The following ZNF28 variants were observed in gnomAD, a reference collection of about 807,000 sequenced individuals.
ZNF28 encodes the protein zinc finger protein KOX24.
ZNF28 carries 5 observed loss-of-function variants against 7.2 expected under a neutral mutation model. That is an observed-to-expected ratio of 0.70 (90% CI 0.36 to 1.46). The LOEUF is 1.46. ZNF28 is among the 40% of genes most tolerant of loss of function. The pLI is 0.03. For missense variants in ZNF28, 879 were observed against 866.6 expected (o/e 1.01, Z -0.18); for synonymous variants, 288 against 292.4 (o/e 0.99, Z 0.15).
intron 2 of ZNF28, chr19:52,814,408 T>C (rs112164150): frequency 0.068 from 9,836 of 145,616 alleles, 1,488 homozygotes; most frequent in African/African-American, 0.15. Flanking sequence ...ATGGCCAAAA[T>C]GGTGAAACAC....
Position 52,800,824 on chromosome 19 carries a change from A to G in ZNF28, c.1021T>C (p.Tyr341His), listed in dbSNP as rs2062857576. 2.5e-6 allele frequency: 4 copies of G among 1,614,096 alleles called. No individual in the cohort carries two copies. In the Middle Eastern group the frequency reaches 5.0e-4, roughly 200 times the overall value. Residue 341 changes from tyrosine to histidine, a missense_variant, in exon 4 of 4, where the codon TAC (tyrosine) becomes CAC (histidine). Coordinates refer to ENST00000457749, the MANE Select transcript of ZNF28 (RefSeq NM_006969.5). ...TGAATTATAGTATGTTTTGCTAGGT[A>G]TGAATTACATGTGAAAGCTTTGTCA... ...VCDKAFTCNS[Y>H]LAKHTIIHTG... is the part of the protein sequence containing the mutation.
intron 2 of ZNF28, among the ~76,000 whole-genome samples, chr19:52,813,324 GT>G (rs1019709014): frequency 2.7e-5 from 4 of 148,958 alleles, no homozygotes; most frequent in African/African-American, 9.8e-5. Context: ...GGAGGGACCT[GT>G]TTTGGGGAGC....
chr19:52,812,180 G>A (rs1390205245), intron 2 of ZNF28, among the ~76,000 whole-genome samples: 1 of 125,470 alleles, frequency 8.0e-6, no homozygotes, highest in Non-Finnish European at 1.6e-5. Flanking sequence ...CGCCCCATCT[G>A]GGAGGTGAGG....
rs1171790099 is a variant in ZNF28 at position 52,801,586 on chromosome 19, AG to A, written c.258del (p.Phe87SerfsTer27). On this transcript the variant is annotated frameshift_variant, in exon 4 of 4. Coordinates refer to ENST00000457749, the MANE Select transcript of ZNF28 (RefSeq NM_006969.5). LOFTEE classifies it low-confidence loss of function (END_TRUNC). ...TGAATGTCTTTCTCAATTTTCTGGA[AG>A]CAAAAATCTCCAATGTGATGACTTG... The part of the protein sequence containing the change: ...RQASHHIGDF[C>X]FQKIEKDIHG... 7 of 1,614,060 alleles carry A rather than the reference AG, an allele frequency of 4.3e-6. No individual in the cohort carries two copies. Among genetic ancestry groups the A allele is most frequent in the Non-Finnish European group, 5.9e-6 (7 of 1,180,034 alleles).
intron 2 of ZNF28, among the ~76,000 whole-genome samples, chr19:52,810,922 G>C (rs1398844113): frequency 3.2e-5 from 3 of 93,234 alleles, no homozygotes; most frequent in Admixed American, 1.5e-4. Context: ...TCCCTCCACA[G>C]TCTCCCTCTG....
chr19:52,807,925 CAAGT>C (rs1437534282), intron 3 of ZNF28, 78 bp downstream of exon 3: 17 of 1,592,566 alleles, frequency 1.1e-5, no homozygotes, highest in Non-Finnish European at 1.3e-5. Flanking sequence ...CCATTTTAGT[CAAGT>C]AAGGATGTGG....
rs1281450275 is a variant in ZNF28, at chr19:52,815,042, T to G, written c.15+2902A>C. On this transcript the variant is annotated intron_variant, in intron 2 of 3. Transcript: ENST00000457749. ...TTTCCCCAGACTTTCAAAGTATACA[T>G]GTGTGTATATATGTATGTATATGTA... Among the ~76,000 whole-genome samples the G allele has an allele frequency of 3.5e-5, 5 of 143,948 alleles. No individual in the cohort carries two copies. The East Asian group carries it at 8.0e-4, about 23-fold the overall frequency. 94.4% of individuals were successfully genotyped at this position (143,948 alleles called of 152,430 possible).
chr19:52,806,472 G>C (rs1226327976), intron 3 of ZNF28, among the ~76,000 whole-genome samples: 3 of 151,950 alleles, frequency 2.0e-5, no homozygotes. Flanking sequence ...GGGATTACAG[G>C]TGTCAGCCAC....
In ZNF28 at chr19:52,798,608, T is replaced by G; in HGVS notation, c.*1080A>C. The G allele has an allele frequency of 2.2e-6, 1 of 447,172 alleles. No homozygotes were observed. 27.7% of individuals were successfully genotyped at this position (447,172 alleles called of 1,614,324 possible). On this transcript the variant is annotated 3_prime_UTR_variant, in exon 4 of 4. Coordinates refer to ENST00000457749, the MANE Select transcript of ZNF28 (RefSeq NM_006969.5). ...TGCCACAATCATCACACTTGTGAGT[T>G]TCTCTCCTGTATGAATCCTCCTATG...
At chr19:52,817,820 C>G in intron 2 of ZNF28, 124 bp downstream of exon 2, 2 of 1,557,738 alleles carry the variant, frequency 1.3e-6, no homozygotes, top group Non-Finnish European at 1.8e-6. Context: ...TGAAGGAAGG[C>G]ATGGGTGAGG....
At chr19:52,811,626 G>A (rs528149239) in intron 2 of ZNF28, among the ~76,000 whole-genome samples, 2,725 of 121,898 alleles carry the variant, frequency 0.022, 99 homozygotes, top group African/African-American at 0.093. Context: ...CGGCCGCCCC[G>A]TCTGAGAAGT....
intron 2 of ZNF28, 76 bp from the exon 3 acceptor site, chr19:52,808,209 A>T: frequency 6.3e-7 from 1 of 1,587,112 alleles, no homozygotes; most frequent in South Asian, 1.2e-5. Context: ...AGAGAGGGGG[A>T]AAGCATGGAT....
At chr19:52,811,974 AG>A (rs572422497) in intron 2 of ZNF28, among the ~76,000 whole-genome samples, 1 of 35,250 alleles carries the variant, frequency 2.8e-5, no homozygotes, top group African/African-American at 1.3e-4. Context: ...GGAAGTGAGG[AG>A]CCCCTCTGCC....
Position 52,809,834 on chromosome 19 carries a change from C to CGGCGGCGGT in ZNF28, c.16-1702_16-1701insACCGCCGCC, listed in dbSNP as rs1555805764. ...GTCTGAGCGGCGAAGGCGGCGGCGG[C>CGGCGGCGGT]GGCGGTGGCGGTGGTGGCAGTAGCA... On this transcript the variant is annotated intron_variant, in intron 2 of 3. Transcript: ENST00000457749. The CGGCGGCGGT allele has an allele frequency of 2.0e-4, 112 of 555,762 alleles. No homozygotes were observed. The African/African-American group carries it at 2.1e-3, about 11-fold the overall frequency. The allele number at this position is 555,762 out of a possible 1,614,324, so 34.4% of individuals were successfully genotyped here.
At chr19:52,821,365 A>T (rs1600492988) in intron 1 of ZNF28, among the ~76,000 whole-genome samples, 1 of 152,180 alleles carries the variant, frequency 6.6e-6, no homozygotes, top group Non-Finnish European at 1.5e-5. Flanking sequence ...GGAAGTGTAT[A>T]CATTGCCCTG....
chr19:52,807,496 CAG>C (rs1303702971), intron 3 of ZNF28, among the ~76,000 whole-genome samples: 5 of 152,142 alleles, frequency 3.3e-5, no homozygotes, highest in East Asian at 1.9e-4. Flanking sequence ...TTTTTTGAGA[CAG>C]AGTCTTGCTC....
intron 3 of ZNF28, chr19:52,805,935 G>C (rs1374297896): frequency 6.6e-6 from 1 of 152,056 alleles, no homozygotes; most frequent in African/African-American, 2.4e-5. Flanking sequence ...AGCTGAGATC[G>C]CAGCATCGTA....
chr19:52,815,845 G>A (rs1462990187), intron 2 of ZNF28, among the ~76,000 whole-genome samples: 4 of 145,292 alleles, frequency 2.8e-5, no homozygotes, highest in Non-Finnish European at 4.4e-5. Context: ...AATAACTATC[G>A]TGTACTGGCC....
chr19:52,810,148 T>C lies in ZNF28; in HGVS notation c.16-2015A>G, dbSNP rs919172944. 14 of 916,888 alleles carry C rather than the reference T, an allele frequency of 1.5e-5. No homozygotes were observed. In the African/African-American group the frequency reaches 1.8e-4, roughly 12 times the overall value. The allele number at this position is 916,888 out of a possible 1,614,324, so 56.8% of individuals were successfully genotyped here. ...GGACTGGTCGAGGGTGACCCGGGGCTGGAAGCTATCGAAGCTGGAGTCAGG... is the reference window on the plus strand; with the variant it reads ...GGACTGGTCGAGGGTGACCCGGGGCCGGAAGCTATCGAAGCTGGAGTCAGG... On this transcript the variant is annotated intron_variant, in intron 2 of 3. Transcript: ENST00000457749.
Sources: allele counts gnomAD v4.1 joint callset (sites outside exome capture counted in the v4.1 genomes callset), GRCh38; gene constraint gnomAD v4.1.1; transcripts MANE v1.5; gene names NCBI Gene and HGNC (gene_info 2026-07-23, HGNC 2026-07-21).